ITPR1: variants seen among roughly 807,000 people sequenced by gnomAD.
ITPR1 encodes inositol 1,4,5-trisphosphate receptor type 1.
Under a neutral mutation model 318.4 loss-of-function variants are expected in ITPR1, and 96 were observed. That is an observed-to-expected ratio of 0.30 (90% CI 0.26 to 0.36). ITPR1 has a LOEUF of 0.36. Among genes scored for constraint, ITPR1 ranks in the 10% least tolerant of loss-of-function variants. The probability of loss-of-function intolerance (pLI) is 1.00; values close to 1 mark genes in which losing one functional copy is unlikely to be tolerated. For missense variants in ITPR1, 2,440 were observed against 3,460.2 expected, an observed-to-expected ratio of 0.71 and a Z score of 7.40; for synonymous variants, 1,312 against 1,289.9, an observed-to-expected ratio of 1.02 and a Z score of -0.37.
chr3:4,818,469 T>A (rs1430638591), intron 60 of ITPR1, among the ~76,000 whole-genome samples: 1 of 152,168 alleles, frequency 6.6e-6, no homozygotes, highest in Non-Finnish European at 1.5e-5. Flanking sequence ...GGGGGAAATG[T>A]TGAGCCTCGG....
intron 44 of ITPR1, among the ~76,000 whole-genome samples, chr3:4,759,600 G>A (rs2045284540): frequency 6.6e-6 from 1 of 152,210 alleles, no homozygotes; most frequent in Non-Finnish European, 1.5e-5. Flanking sequence ...CTGCTCTCCT[G>A]AAGTTCCAAG....
chr3:4,727,208 A>C, intron 42 of ITPR1, 35 bp downstream of exon 42: 1 of 1,517,918 alleles, frequency 6.6e-7, no homozygotes, highest in Non-Finnish European at 8.9e-7. Flanking sequence ...TCGGGAGCTA[A>C]TGATCAATGA....
At chr3:4,712,927 T>C (rs2041489943) in intron 39 of ITPR1, among the ~76,000 whole-genome samples, 1 of 152,340 alleles carries the variant, frequency 6.6e-6, no homozygotes, top group Admixed American at 6.5e-5. Context: ...CATAGGTTTC[T>C]GTAACTCAGT....
intron 4 of ITPR1, among the ~76,000 whole-genome samples, chr3:4,616,832 C>A (rs569065005): frequency 1.9e-4 from 29 of 152,148 alleles, no homozygotes; most frequent in Non-Finnish European, 3.1e-4. Context: ...TATCTTCTTC[C>A]TGGGCACAGC....
chr3:4,684,590 G>T (rs751126077), intron 29 of ITPR1, among the ~76,000 whole-genome samples: 4 of 152,124 alleles, frequency 2.6e-5, no homozygotes, highest in African/African-American at 4.8e-5. Context: ...GCAACCTTTC[G>T]TAGGCACCGC....
intron 54 of ITPR1, 94 bp from the exon 55 acceptor site, chr3:4,806,009 T>G (rs1575320988): frequency 9.1e-7 from 1 of 1,099,754 alleles, no homozygotes; most frequent in Non-Finnish European, 1.3e-6. Context: ...TTGGGCACGG[T>G]GACTGAAATA....
intron 39 of ITPR1, among the ~76,000 whole-genome samples, chr3:4,714,141 G>C (rs2041592900): frequency 6.6e-6 from 1 of 152,132 alleles, no homozygotes. Flanking sequence ...TGGTTTACTG[G>C]CTGCCCCGTT....
chr3:4,784,473 C>A (rs908365224), intron 51 of ITPR1, among the ~76,000 whole-genome samples: 10 of 152,030 alleles, frequency 6.6e-5, no homozygotes, highest in Non-Finnish European at 1.0e-4. Flanking sequence ...TATCAACCAT[C>A]CTTATGAGAA....
chr3:4,804,113 C>T (rs553316960), intron 54 of ITPR1, among the ~76,000 whole-genome samples: 1 of 152,336 alleles, frequency 6.6e-6, no homozygotes, highest in Non-Finnish European at 1.5e-5. Context: ...CTCAGGCAAT[C>T]CACCCGCCTC....
chr3:4,733,521 C>T (rs1338363034), intron 43 of ITPR1, among the ~76,000 whole-genome samples: 1 of 152,000 alleles, frequency 6.6e-6, no homozygotes, highest in African/African-American at 2.4e-5. Context: ...CACTTCGTCC[C>T]GTGGTTGTTA....
chr3:4,517,851 C>G (rs1307046311), intron 3 of ITPR1, among the ~76,000 whole-genome samples: 1 of 152,202 alleles, frequency 6.6e-6, no homozygotes, highest in East Asian at 1.9e-4. Context: ...CCCTCTTCTT[C>G]TTTTCAGTAA....
At chr3:4,786,121 G>C (rs568595714) in intron 51 of ITPR1, among the ~76,000 whole-genome samples, 1 of 152,270 alleles carries the variant, frequency 6.6e-6, no homozygotes, top group East Asian at 1.9e-4. Flanking sequence ...GCACACCTCA[G>C]ATCATCTTCC....
intron 16 of ITPR1, 23 bp downstream of exon 16, chr3:4,663,229 G>C: frequency 1.3e-6 from 2 of 1,591,520 alleles, no homozygotes; most frequent in Non-Finnish European, 8.6e-7. Context: ...TGGCGTACTG[G>C]GGATTTGGCT....
chr3:4,599,714 A>G (rs2091123878), intron 4 of ITPR1, among the ~76,000 whole-genome samples: 1 of 152,214 alleles, frequency 6.6e-6, no homozygotes, highest in South Asian at 2.1e-4. Flanking sequence ...CCCTACTCCG[A>G]CAGTGGCTGC....
At chr3:4,646,734 G>A (rs1359071406) in intron 10 of ITPR1, among the ~76,000 whole-genome samples, 1 of 152,182 alleles carries the variant, frequency 6.6e-6, no homozygotes, top group East Asian at 1.9e-4. Flanking sequence ...AATGCTTGGT[G>A]AAAGAGGCAA....
intron 12 of ITPR1, among the ~76,000 whole-genome samples, chr3:4,657,312 C>T (rs2093732261): frequency 6.6e-6 from 1 of 151,786 alleles, no homozygotes; most frequent in African/African-American, 2.4e-5. Context: ...ATCCAGCTGC[C>T]CACAACCAAA....
chr3:4,494,091 A>T (rs937089642), intron 1 of ITPR1, among the ~76,000 whole-genome samples: 2 of 152,226 alleles, frequency 1.3e-5, no homozygotes, highest in Non-Finnish European at 2.9e-5. Context: ...GACGAAGCTC[A>T]TGTCCAATGA....
At position 4,644,151 on chromosome 3, in the gene ITPR1, A is replaced by G. The variant is rs1366874503; in HGVS notation, c.541A>G (p.Lys181Glu). ...TCCATTCCAGGTGGTCATAGGTGACAAGGTGGTTCTGAACCCCGTCAATGC... is the reference window on the plus strand; with the variant it reads ...TCCATTCCAGGTGGTCATAGGTGACGAGGTGGTTCTGAACCCCGTCAATGC... ...SIGDSVVIGD[K>E]VVLNPVNAGQ... The change falls in exon 8 of 62, where the codon AAG becomes GAG. Residue 181 changes from lysine (K) to glutamate (E), a missense_variant. Around this residue, in one of 23 missense-constraint regions of ITPR1, gnomAD observed 186 missense variants for 323.9 expected, o/e 0.57. Transcript: ENST00000649015. 6.2e-7 allele frequency: 1 copy of G among 1,611,292 alleles called. No homozygotes were observed. Among genetic ancestry groups the G allele is most frequent in the Admixed American group, 1.7e-5 (1 of 59,776 alleles).
chr3:4,551,696 A>G (rs551636450), intron 4 of ITPR1, among the ~76,000 whole-genome samples: 2 of 152,358 alleles, frequency 1.3e-5, no homozygotes, highest in African/African-American at 2.4e-5. Context: ...TGGGCTAGAT[A>G]CAGATAATAC....
Sources: allele counts gnomAD v4.1 joint callset (sites outside exome capture counted in the v4.1 genomes callset), GRCh38; gene constraint gnomAD v4.1.1; regional missense constraint gnomAD v4.1.1; transcripts MANE v1.5; gene names NCBI Gene and HGNC (gene_info 2026-07-23, HGNC 2026-07-21).